Variants in PTPRK observed in about 807,000 individuals in gnomAD.
PTPRK encodes protein tyrosine phosphatase receptor type K.
In PTPRK, 75 loss-of-function variants were observed where a neutral mutation model predicts 178.0. The ratio of observed to expected loss-of-function variants is 0.42; its 90% CI spans 0.35 to 0.51. The LOEUF is 0.51. Among genes scored for constraint, PTPRK ranks in the 20% least tolerant of loss-of-function variants. The pLI, the probability that PTPRK is intolerant of heterozygous loss-of-function variation, is 0.02. For missense variants in PTPRK, 1,441 were observed against 1,797.8 expected (o/e 0.80, Z 3.59); for synonymous variants, 637 against 620.6 (o/e 1.03, Z -0.39).
chr6:128,302,457 C>T (rs1825789647), intron 3 of PTPRK, among the ~76,000 whole-genome samples: 1 of 148,504 alleles, frequency 6.7e-6, no homozygotes, highest in Admixed American at 6.7e-5. Context: ...TCAGAACTAT[C>T]CATACTTCCA....
intron 1 of PTPRK, among the ~76,000 whole-genome samples, chr6:128,480,398 A>ATAAATT (rs71543138): frequency 0.28 from 42,129 of 151,790 alleles, 6,707 homozygotes; most frequent in African/African-American, 0.43. Context: ...CCCTAGGCTC[A>ATAAATT]TAAAGTTATT....
At chr6:128,505,575 G>C (rs1409912605) in intron 1 of PTPRK, among the ~76,000 whole-genome samples, 1 of 152,170 alleles carries the variant, frequency 6.6e-6, no homozygotes, top group Non-Finnish European at 1.5e-5. Flanking sequence ...TGCAAATATT[G>C]TAAGGACATT....
intron 7 of PTPRK, among the ~76,000 whole-genome samples, chr6:128,119,323 C>G (rs1269817045): frequency 6.6e-6 from 1 of 151,112 alleles, no homozygotes; most frequent in Non-Finnish European, 1.5e-5. Context: ...CATTAAATTT[C>G]AAAGATCAAA....
chr6:128,471,801 T>C (rs184384034), intron 1 of PTPRK, among the ~76,000 whole-genome samples: 101 of 151,982 alleles, frequency 6.6e-4, no homozygotes, highest in African/African-American at 2.1e-3. Flanking sequence ...TCACACTGTA[T>C]TTGGGGCTGG....
intron 1 of PTPRK, chr6:128,409,430 A>G (rs1842047834): frequency 5.8e-6 from 2 of 344,974 alleles, no homozygotes; most frequent in Non-Finnish European, 1.1e-5. Flanking sequence ...GGATGGGTTT[A>G]TAACTTTGCC....
Position 128,067,516 on chromosome 6 carries a change from C to T in PTPRK, c.2157+3G>A, listed in dbSNP as rs866300427. 3 of 1,474,910 alleles carry T rather than the reference C, an allele frequency of 2.0e-6. No homozygotes were observed. The Middle Eastern group carries it at 5.5e-4, about 271-fold the overall frequency. The allele number at this position is 1,474,910 out of a possible 1,614,324, so 91.4% of individuals were successfully genotyped here. Reference sequence around the variant, plus strand: ...GAAAAAGCAAATCCTGGAGGAAGCTCACCTTCTCCACACTGCTCATCGCCT... The same window carrying T: ...GAAAAAGCAAATCCTGGAGGAAGCTTACCTTCTCCACACTGCTCATCGCCT... On this transcript the variant is annotated splice_donor_region_variant and intron_variant, in intron 12 of 29. Transcript: ENST00000368226.
intron 3 of PTPRK, among the ~76,000 whole-genome samples, chr6:128,278,314 G>A (rs1003862856): frequency 3.0e-4 from 45 of 151,824 alleles, no homozygotes; most frequent in African/African-American, 6.8e-4. Context: ...ACACCACCAC[G>A]CCCAGGTAAT....
At chr6:128,163,685 A>G (rs962238848) in intron 7 of PTPRK, among the ~76,000 whole-genome samples, 20 of 151,530 alleles carry the variant, frequency 1.3e-4, no homozygotes, top group African/African-American at 4.8e-4. Flanking sequence ...GAGAATTCCA[A>G]CAGAAACTAT....
At chr6:128,159,131 G>C (rs770694166) in intron 7 of PTPRK, among the ~76,000 whole-genome samples, 1 of 151,514 alleles carries the variant, frequency 6.6e-6, no homozygotes, top group Non-Finnish European at 1.5e-5. Context: ...ATATCTGAAG[G>C]GTTGTAAAAT....
intron 12 of PTPRK, among the ~76,000 whole-genome samples, chr6:128,065,709 G>A (rs750239378): frequency 1.3e-5 from 2 of 152,128 alleles, no homozygotes; most frequent in African/African-American, 2.4e-5. Context: ...AAATAAAGCA[G>A]TGAGGGGGGA....
intron 3 of PTPRK, among the ~76,000 whole-genome samples, chr6:128,310,937 A>G (rs774277395): frequency 9.9e-5 from 15 of 152,176 alleles, no homozygotes; most frequent in African/African-American, 2.9e-4. Context: ...GAGATTAAGG[A>G]CTTAACAGGC....
chr6:128,053,786 T>C (rs914807592), intron 13 of PTPRK, among the ~76,000 whole-genome samples: 3 of 152,100 alleles, frequency 2.0e-5, no homozygotes, highest in Non-Finnish European at 2.9e-5. Flanking sequence ...TCTGACAAGG[T>C]CTGTGGGACC....
At chr6:128,362,049 C>T (rs1370366863) in intron 2 of PTPRK, among the ~76,000 whole-genome samples, 2 of 152,066 alleles carry the variant, frequency 1.3e-5, no homozygotes, top group African/African-American at 4.8e-5. Flanking sequence ...CTTGCAATTA[C>T]TATAAAGAAA....
chr6:128,342,098 C>T (rs551940594), intron 2 of PTPRK, among the ~76,000 whole-genome samples: 1 of 151,996 alleles, frequency 6.6e-6, no homozygotes, highest in South Asian at 2.1e-4. Context: ...ACTAAAAATA[C>T]AAAAATTAGC....
intron 13 of PTPRK, among the ~76,000 whole-genome samples, chr6:128,023,205 T>C (rs979226264): frequency 2.5e-4 from 38 of 152,206 alleles, no homozygotes; most frequent in African/African-American, 8.0e-4. Context: ...TAACATCACA[T>C]GTGACTATTA....
intron 1 of PTPRK, among the ~76,000 whole-genome samples, chr6:128,440,843 G>A (rs765382530): frequency 8.6e-5 from 13 of 151,754 alleles, no homozygotes; most frequent in Admixed American, 1.3e-4. Flanking sequence ...GCTGATGGAC[G>A]TTTAGTGGCT....
At chr6:128,050,783 C>T (rs767860553) in intron 13 of PTPRK, among the ~76,000 whole-genome samples, 5 of 152,152 alleles carry the variant, frequency 3.3e-5, no homozygotes, top group Non-Finnish European at 5.9e-5. Context: ...TCAAGCAATC[C>T]TCCTTCCTCT....
intron 3 of PTPRK, among the ~76,000 whole-genome samples, chr6:128,280,532 G>A (rs1821503617): frequency 6.6e-6 from 1 of 152,072 alleles, no homozygotes; most frequent in Non-Finnish European, 1.5e-5. Context: ...ACAGCCCATT[G>A]GCCATACTTT....
intron 13 of PTPRK, among the ~76,000 whole-genome samples, chr6:128,027,467 C>A (rs752386351): frequency 5.9e-5 from 9 of 152,024 alleles, no homozygotes; most frequent in Non-Finnish European, 1.3e-4. Flanking sequence ...AAAAGTCAAA[C>A]TGACCTTTAA....
Sources: allele counts gnomAD v4.1 joint callset (sites outside exome capture counted in the v4.1 genomes callset), GRCh38; gene constraint gnomAD v4.1.1; transcripts MANE v1.5; gene names NCBI Gene and HGNC (gene_info 2026-07-23, HGNC 2026-07-21).